The following ANXA4 variants were observed in gnomAD, a reference collection of about 807,000 sequenced individuals.
The protein encoded by ANXA4 is annexin A4.
Under a neutral mutation model 49.8 loss-of-function variants are expected in ANXA4, and 39 were observed. The observed-to-expected ratio is 0.78, with a 90% CI of 0.61 to 1.02. The LOEUF (loss-of-function observed/expected upper bound fraction) is 1.02, where lower values mean the gene tolerates loss of function less well. Ranked by LOEUF, ANXA4 falls within the 50% of genes least tolerant of loss-of-function variation. The pLI is 0.00. For synonymous variants in ANXA4, 134 were observed against 152.5 expected (o/e 0.88, Z 0.89); for missense variants, 360 against 410.1 (o/e 0.88, Z 1.05).
At chr2:69,787,381 G>A (rs1672462561) in intron 2 of ANXA4, among the ~76,000 whole-genome samples, 1 of 151,788 alleles carries the variant, frequency 6.6e-6, no homozygotes, top group Admixed American at 6.6e-5. Flanking sequence ...AATTCTCCTT[G>A]CAATTTATTT....
At chr2:69,819,410 A>G (rs1293305435) in intron 11 of ANXA4, 72 bp downstream of exon 11, 17 of 1,125,912 alleles carry the variant, frequency 1.5e-5, no homozygotes, top group Non-Finnish European at 2.2e-5. Context: ...GCTTACTTAT[A>G]TCCCCTATCC....
At chr2:69,655,381 A>T (rs1295043638) in intron 2 of ANXA4, among the ~76,000 whole-genome samples, 2 of 152,272 alleles carry the variant, frequency 1.3e-5, no homozygotes, top group African/African-American at 2.4e-5. Flanking sequence ...ATGAACAGAT[A>T]CTTCTCAAAA....
chr2:69,814,743 G>GGGGTGT (rs1553365515), intron 8 of ANXA4: 6 of 123,634 alleles, frequency 4.9e-5, no homozygotes, highest in Admixed American at 1.7e-4. Context: ...GACACAGAGG[G>GGGGTGT]GTGTGTGTGT....
At chr2:69,822,728 G>T (rs1234143580) in intron 12 of ANXA4, among the ~76,000 whole-genome samples, 2 of 152,202 alleles carry the variant, frequency 1.3e-5, no homozygotes, top group African/African-American at 4.8e-5. Context: ...CATAGGGACA[G>T]AAAGTAGATT....
intron 1 of ANXA4, among the ~76,000 whole-genome samples, chr2:69,762,234 G>A (rs1671320457): frequency 6.6e-6 from 1 of 152,184 alleles, no homozygotes; most frequent in African/African-American, 2.4e-5. Context: ...AAAAGACAGG[G>A]TGAGGAGCCA....
chr2:69,805,807 G>C (rs1673422323), intron 4 of ANXA4, among the ~76,000 whole-genome samples: 1 of 151,998 alleles, frequency 6.6e-6, no homozygotes, highest in Non-Finnish European at 1.5e-5. Context: ...TGGTTTTGTG[G>C]GTTATATCTT....
intron 2 of ANXA4, among the ~76,000 whole-genome samples, chr2:69,715,546 T>C (rs1157723346): frequency 6.6e-6 from 1 of 152,206 alleles, no homozygotes; most frequent in African/African-American, 2.4e-5. Flanking sequence ...CAAATATAAT[T>C]GTTATGACTG....
chr2:69,688,762 A>G (rs1677872255), intron 2 of ANXA4, among the ~76,000 whole-genome samples: 1 of 152,222 alleles, frequency 6.6e-6, no homozygotes, highest in Admixed American at 6.5e-5. Flanking sequence ...TTAATATTCA[A>G]CTTGGCTTCC....
intron 2 of ANXA4, among the ~76,000 whole-genome samples, chr2:69,706,489 C>T (rs1166156603): frequency 3.3e-5 from 5 of 151,198 alleles, no homozygotes; most frequent in South Asian, 2.1e-4. Flanking sequence ...TTAGTAGAGA[C>T]GGGGGTTTCG....
In ANXA4 at chr2:69,645,260, G is replaced by A. The variant is rs114249228; in HGVS notation, n.481+355G>A. 6.7e-3 allele frequency among the ~76,000 whole-genome samples: 1,022 copies of A among 152,338 alleles called. 4 individuals are homozygous for A. The highest frequency in any genetic ancestry group is 0.011 in the Non-Finnish European group (731 of 68,038). On this transcript the variant is annotated intron_variant and non_coding_transcript_variant, in intron 1 of 3. Transcript: ENST00000418066. ...TGCCATTGTAATTAAACTCCGTGAA[G>A]AGATAGCATCTTTTCTTCCGGAGAG...
chr2:69,765,826 GA>G lies in ANXA4; in HGVS notation c.-46-15693del, dbSNP rs1291953108. Among the ~76,000 whole-genome samples the G allele has an allele frequency of 2.0e-5, 3 of 152,304 alleles. No homozygotes were observed. The South Asian group carries it at 6.2e-4, about 32-fold the overall frequency. On this transcript the variant is annotated intron_variant, in intron 1 of 12. Transcript: ENST00000394295. ...TCTCAGAAAGAAAGTGAGAGGAGGA[GA>G]GGGGGGCTGAGGAAGCAGGAGAGGG...
chr2:69,803,360 C>T (rs558083358), intron 3 of ANXA4: 1 of 152,208 alleles, frequency 6.6e-6, no homozygotes, highest in Non-Finnish European at 1.5e-5. Context: ...TCAATAGAAT[C>T]ATTTCTGAAA....
intron 3 of ANXA4, among the ~76,000 whole-genome samples, chr2:69,793,581 C>T (rs1384294394): frequency 6.6e-6 from 1 of 152,000 alleles, no homozygotes; most frequent in Non-Finnish European, 1.5e-5. Flanking sequence ...TGCCAATGTC[C>T]CAATTGGATT....
chr2:69,710,009 C>CA (rs1337707906), intron 2 of ANXA4, among the ~76,000 whole-genome samples: 2 of 91,366 alleles, frequency 2.2e-5, no homozygotes, highest in African/African-American at 9.0e-5. Context: ...TTTTTTGAGA[C>CA]AGAGTTTTGC....
chr2:69,706,178 G>C (rs1678489843), intron 2 of ANXA4, among the ~76,000 whole-genome samples: 1 of 144,228 alleles, frequency 6.9e-6, no homozygotes, highest in South Asian at 2.2e-4. Flanking sequence ...ATTTTGGTTT[G>C]TTTGTTAAAT....
intron 2 of ANXA4, among the ~76,000 whole-genome samples, chr2:69,665,302 G>A (rs746887688): frequency 2.4e-4 from 37 of 152,002 alleles, no homozygotes; most frequent in Middle Eastern, 3.2e-3. Context: ...GTTGAAGCCC[G>A]CAGCGGTTTG....
intron 1 of ANXA4, among the ~76,000 whole-genome samples, chr2:69,770,078 G>A (rs558117538): frequency 6.6e-6 from 1 of 152,214 alleles, no homozygotes; most frequent in Non-Finnish European, 1.5e-5. Flanking sequence ...TACTAGCTGG[G>A]TGCTAGGCTG....
intron 2 of ANXA4, among the ~76,000 whole-genome samples, chr2:69,684,778 T>C (rs1047040598): frequency 6.6e-6 from 1 of 151,674 alleles, no homozygotes; most frequent in African/African-American, 2.4e-5. Context: ...AAAACAGAGA[T>C]CTTCAATTCT....
intron 2 of ANXA4, among the ~76,000 whole-genome samples, chr2:69,664,381 A>C (rs1177116383): frequency 6.6e-6 from 1 of 152,210 alleles, no homozygotes; most frequent in Non-Finnish European, 1.5e-5. Flanking sequence ...GAACAACTAA[A>C]AATTGAATGG....
Sources: gnomAD v4.1 joint callset for allele counts (sites outside exome capture counted in the v4.1 genomes callset) on GRCh38, gnomAD v4.1.1 for gene constraint, MANE v1.5 for transcripts, NCBI Gene and HGNC (gene_info 2026-07-23, HGNC 2026-07-21) for gene names.